The following NEBL variants were observed in gnomAD, a reference collection of about 807,000 sequenced individuals.
NEBL encodes the protein nebulette, also known as LIM and SH3 protein 2.
NEBL carries 122 observed loss-of-function variants against 140.2 expected under a neutral mutation model. The observed-to-expected ratio is 0.87, with a 90% CI of 0.75 to 1.01. The LOEUF is 1.01. Ranked by LOEUF, NEBL falls within the 50% of genes least tolerant of loss-of-function variation. NEBL has a pLI of 0.00. For missense variants in NEBL, 1,365 were observed against 1,231.3 expected (o/e 1.11, Z -1.62); for synonymous variants, 436 against 398.9 (o/e 1.09, Z -1.11).
chr10:20,806,526 G>C (rs1187256447), intron 26 of NEBL, among the ~76,000 whole-genome samples: 8 of 152,166 alleles, frequency 5.3e-5, no homozygotes, highest in African/African-American at 1.9e-4. Flanking sequence ...CCCAAGGAAG[G>C]TTTCCCTGAC....
chr10:21,126,037 G>A (rs1057375211), intron 2 of NEBL: 1 of 1,614,128 alleles, frequency 6.2e-7, no homozygotes, highest in Non-Finnish European at 8.5e-7. Context: ...GGCAAGCGTT[G>A]GCCAGCTTTG....
chr10:21,071,137 C>T (rs898908322), intron 2 of NEBL, among the ~76,000 whole-genome samples: 4 of 151,666 alleles, frequency 2.6e-5, no homozygotes, highest in Non-Finnish European at 1.5e-5. Flanking sequence ...GCCCACTGCA[C>T]TCCAGCCTGG....
At chr10:21,169,559 T>A (rs1230020205) in intron 2 of NEBL, among the ~76,000 whole-genome samples, 2 of 152,144 alleles carry the variant, frequency 1.3e-5, no homozygotes, top group African/African-American at 4.8e-5. Flanking sequence ...CTTTTCAGAC[T>A]ACAGACTGAC....
At chr10:21,097,459 C>CA (rs893454058) in intron 2 of NEBL, among the ~76,000 whole-genome samples, 9 of 151,894 alleles carry the variant, frequency 5.9e-5, no homozygotes, top group Non-Finnish European at 1.0e-4. Context: ...ACTCTGTCCC[C>CA]AAAAAAATAC....
intron 2 of NEBL, among the ~76,000 whole-genome samples, chr10:21,094,711 T>C (rs1472804889): frequency 2.0e-5 from 3 of 152,062 alleles, no homozygotes; most frequent in Non-Finnish European, 4.4e-5. Context: ...GTCTGCTCCT[T>C]TGTAAATGGG....
chr10:21,100,935 T>A (rs1029782054), intron 2 of NEBL, among the ~76,000 whole-genome samples: 1 of 152,218 alleles, frequency 6.6e-6, no homozygotes, highest in Admixed American at 6.5e-5. Flanking sequence ...TGTTTCTTTG[T>A]TTGTTTTAAT....
chr10:21,067,003 TGC>T (rs1330700180), intron 2 of NEBL, among the ~76,000 whole-genome samples: 1 of 128,694 alleles, frequency 7.8e-6, no homozygotes, highest in Admixed American at 9.7e-5. Context: ...GACAGAGTCT[TGC>T]TGTGTTGCCC....
chr10:21,077,203 T>G (rs551589311), intron 2 of NEBL, among the ~76,000 whole-genome samples: 86 of 152,040 alleles, frequency 5.7e-4, no homozygotes, highest in African/African-American at 1.5e-3. Flanking sequence ...TTAAAACTCA[T>G]GCTTAATCTA....
At chr10:21,233,630 ATAGAGAGACT>A (rs1842296158) in intron 3 of NEBL, among the ~76,000 whole-genome samples, 1 of 145,680 alleles carries the variant, frequency 6.9e-6, no homozygotes, top group Non-Finnish European at 1.5e-5. Context: ...ATATATCTAT[ATAGAGAGACT>A]TATCTATATA....
intron 3 of NEBL, among the ~76,000 whole-genome samples, chr10:21,205,296 A>G (rs11816462): frequency 7.2e-5 from 11 of 152,340 alleles, no homozygotes; most frequent in South Asian, 4.1e-4. Context: ...CAGCAGTTCT[A>G]TTTCTAGCTA....
At chr10:20,859,083 A>T (rs964801790) in intron 8 of NEBL, among the ~76,000 whole-genome samples, 8 of 152,128 alleles carry the variant, frequency 5.3e-5, no homozygotes, top group African/African-American at 1.9e-4. Flanking sequence ...CATAATTTTT[A>T]TACTTGAGAA....
intron 3 of NEBL, among the ~76,000 whole-genome samples, chr10:21,215,176 G>A (rs1356522894): frequency 1.3e-5 from 2 of 152,186 alleles, no homozygotes; most frequent in African/African-American, 4.8e-5. Context: ...GGCATGTGGT[G>A]GCACGCACCT....
chr10:21,276,173 T>C (rs1288494084), intron 1 of NEBL, among the ~76,000 whole-genome samples: 3 of 152,164 alleles, frequency 2.0e-5, no homozygotes, highest in African/African-American at 7.2e-5. Flanking sequence ...CGTTCCACCA[T>C]GTTGGGCAGG....
chr10:21,197,942 A>C (rs10828209), intron 3 of NEBL, among the ~76,000 whole-genome samples: 39,730 of 151,546 alleles, frequency 0.26, 8,927 homozygotes, highest in African/African-American at 0.62. Flanking sequence ...CCCTTAAGAA[A>C]CCCAGCCCAA....
chr10:20,906,389 GT>G (rs1833973436), intron 4 of NEBL, among the ~76,000 whole-genome samples: 1 of 152,076 alleles, frequency 6.6e-6, no homozygotes, highest in African/African-American at 2.4e-5. Flanking sequence ...ATGCTCAGAA[GT>G]TTGGCACTTT....
At chr10:21,233,365 C>G (rs995706480) in intron 3 of NEBL, among the ~76,000 whole-genome samples, 1 of 152,100 alleles carries the variant, frequency 6.6e-6, no homozygotes, top group Admixed American at 6.6e-5. Context: ...CTTCTCTTGA[C>G]TTGCTCCAAA....
intron 3 of NEBL, among the ~76,000 whole-genome samples, chr10:21,234,352 C>T (rs35273599): frequency 0.04 from 6,120 of 152,000 alleles, 190 homozygotes; most frequent in South Asian, 0.14. Flanking sequence ...CACCAGAGAG[C>T]GGGTTGTTTA....
chr10:20,873,040 G>A (rs557856815), intron 5 of NEBL, among the ~76,000 whole-genome samples: 2 of 152,200 alleles, frequency 1.3e-5, no homozygotes, highest in South Asian at 2.1e-4. Context: ...ATCCAAGAAC[G>A]TCTTTTGGGG....
upstream of NEBL, among the ~76,000 whole-genome samples, chr10:20,898,817 T>C (rs788973): frequency 0.27 from 40,307 of 151,962 alleles, 5,546 homozygotes; most frequent in East Asian, 0.47. Flanking sequence ...TTTTTTTTAA[T>C]CATACCCACT....
Sources: gnomAD v4.1 joint callset for allele counts (sites outside exome capture counted in the v4.1 genomes callset) on GRCh38, gnomAD v4.1.1 for gene constraint, MANE v1.5 for transcripts, NCBI Gene and HGNC (gene_info 2026-07-23, HGNC 2026-07-21) for gene names.